The following YWHAQ variants were observed in gnomAD, a reference collection of about 807,000 sequenced individuals.
YWHAQ encodes 14-3-3 protein theta.
YWHAQ carries 6 observed loss-of-function variants against 28.3 expected under a neutral mutation model. The ratio of observed to expected loss-of-function variants is 0.21; its 90% CI spans 0.12 to 0.42. The LOEUF (loss-of-function observed/expected upper bound fraction) is 0.42. Ranked by LOEUF, YWHAQ falls within the 10% of genes least tolerant of loss-of-function variation. The pLI, the probability that YWHAQ is intolerant of heterozygous loss-of-function variation, is 1.00. For missense variants in YWHAQ, 201 were observed against 305.6 expected (o/e 0.66, Z 2.55); for synonymous variants, 143 against 119.1 (o/e 1.20, Z -1.31).
At position 9,630,047 on chromosome 2, in the gene YWHAQ, C is replaced by G. The variant is rs555195769; in HGVS notation, c.294+112G>C. The stretch of plus-strand genomic sequence containing the variant: ...TCAGGGCTCACCTAAAACCCTCCAC[C>G]CCAGCAGACAGTCCGGCAAGCCCCG... On this transcript the variant is annotated intron_variant, in intron 2 of 5. Transcript: ENST00000238081. The surrounding 1 kb of genome is among the most constrained non-coding windows in gnomAD (Gnocchi z 5.6). 9.1e-5 allele frequency: 129 copies of G among 1,424,386 alleles called. No homozygotes were observed. The African/African-American group carries it at 1.6e-3, about 18-fold the overall frequency. The allele number at this position is 1,424,386 out of a possible 1,614,324, so 88.2% of individuals were successfully genotyped here. A position where few individuals can be genotyped will look rare whatever the true frequency, so the allele number is the denominator to read the frequency against.
chr2:9,594,961 C>G (rs1006303351), intron 2 of YWHAQ, among the ~76,000 whole-genome samples: 2 of 152,224 alleles, frequency 1.3e-5, no homozygotes, highest in African/African-American at 4.8e-5. Flanking sequence ...TACAACACAG[C>G]CACTTATGAG....
chr2:9,628,786 G>A (rs1169718661), intron 2 of YWHAQ: 4 of 152,140 alleles, frequency 2.6e-5, no homozygotes, highest in Admixed American at 6.5e-5. Context: ...AGCAGGGACT[G>A]GAAGCTAAGA....
chr2:9,590,375 A>C (rs1429703867), intron 3 of YWHAQ, among the ~76,000 whole-genome samples: 1 of 152,240 alleles, frequency 6.6e-6, no homozygotes, highest in East Asian at 1.9e-4. Flanking sequence ...TTTCTCAGGT[A>C]CAAGTTCTCT....
chr2:9,601,510 C>T (rs1414676017), intron 2 of YWHAQ, among the ~76,000 whole-genome samples: 1 of 152,146 alleles, frequency 6.6e-6, no homozygotes, highest in Non-Finnish European at 1.5e-5. Context: ...AAAATTATTA[C>T]TTCAATACTT....
At chr2:9,607,114 C>A (rs557833852) in intron 2 of YWHAQ, among the ~76,000 whole-genome samples, 1 of 152,110 alleles carries the variant, frequency 6.6e-6, no homozygotes, top group Non-Finnish European at 1.5e-5. Context: ...GAACTCCTGA[C>A]CTGTGATCCG....
intron 3 of YWHAQ, 101 bp downstream of exon 3, chr2:9,591,291 T>G: frequency 1.5e-6 from 2 of 1,357,552 alleles, no homozygotes; most frequent in Non-Finnish European, 2.0e-6. Context: ...AATTATTAAG[T>G]CACAAAGAGC....
chr2:9,625,645 TC>T (rs1473158405), intron 2 of YWHAQ, among the ~76,000 whole-genome samples: 19 of 152,212 alleles, frequency 1.2e-4, no homozygotes, highest in African/African-American at 4.6e-4. Context: ...TGCCTCATTT[TC>T]CTCAACTCTG....
At chr2:9,613,462 AG>A (rs1666989988) in intron 2 of YWHAQ, among the ~76,000 whole-genome samples, 1 of 152,258 alleles carries the variant, frequency 6.6e-6, no homozygotes, top group South Asian at 2.1e-4. Flanking sequence ...TACAAGCCTA[AG>A]GGTAGGCTTA....
rs1666312441 is a variant in YWHAQ, at chr2:9,584,842, G to A, written c.*444C>T. 6.1e-6 allele frequency: 1 copy of A among 164,682 alleles called. No individual in the cohort carries two copies. Among genetic ancestry groups the A allele is most frequent in the African/African-American group, 2.4e-5 (1 of 41,558 alleles). The allele number at this position is 164,682 out of a possible 1,614,324, so 10.2% of individuals were successfully genotyped here. ...AGGAATACATTAAGAGCATGGAAAA[G>A]TTGCTTACTGAAAGGAAACCCCCGA... On this transcript the variant is annotated 3_prime_UTR_variant, in exon 6 of 6. Coordinates refer to ENST00000238081, the MANE Select transcript of YWHAQ (RefSeq NM_006826.4).
chr2:9,623,372 T>C, intron 2 of YWHAQ, among the ~76,000 whole-genome samples: 1 of 152,254 alleles, frequency 6.6e-6, no homozygotes, highest in East Asian at 1.9e-4. Flanking sequence ...ATTTGGAAAT[T>C]CCACTTCGAG....
At chr2:9,587,607 C>CT in intron 4 of YWHAQ, 98 bp from the exon 5 acceptor site, 1 of 1,022,086 alleles carries the variant, frequency 9.8e-7, no homozygotes, top group Non-Finnish European at 1.4e-6. Context: ...GAACACCCAC[C>CT]TTATGTTCTA....
chr2:9,591,280 C>CA (rs1666449887), intron 3 of YWHAQ, 112 bp downstream of exon 3: 1 of 1,279,544 alleles, frequency 7.8e-7, no homozygotes, highest in Non-Finnish European at 1.0e-6. Flanking sequence ...GACATACATT[C>CA]AATTATTAAG....
At chr2:9,596,446 GAAGA>G (rs994984101) in intron 2 of YWHAQ, among the ~76,000 whole-genome samples, 1 of 152,090 alleles carries the variant, frequency 6.6e-6, no homozygotes, top group Admixed American at 6.6e-5. Context: ...CTACTCTATT[GAAGA>G]AAGAGTAGGT....
chr2:9,589,587 TTAATAA>T (rs61426426), intron 3 of YWHAQ, among the ~76,000 whole-genome samples: 1 of 151,798 alleles, frequency 6.6e-6, no homozygotes, highest in Non-Finnish European at 1.5e-5. Context: ...CCATTCAAAA[TTAATAA>T]TAATAATAAT....
At chr2:9,593,191 TCTGA>T (rs1162364002) in intron 2 of YWHAQ, among the ~76,000 whole-genome samples, 4 of 151,670 alleles carry the variant, frequency 2.6e-5, no homozygotes, top group Non-Finnish European at 4.4e-5. Flanking sequence ...TTCTTGTTTA[TCTGA>T]CTAAAAGTGG....
rs11689741 is a variant in YWHAQ, at chr2:9,586,909, G to A, written c.678+505C>T. Reference sequence around the variant, plus strand: ...CCTTTATCAATTGCCTATCTAAGAAGCAGGGAGAAAAAGACAAACAAAACA... The same window carrying A: ...CCTTTATCAATTGCCTATCTAAGAAACAGGGAGAAAAAGACAAACAAAACA... On this transcript the variant is annotated intron_variant, in intron 5 of 5. Coordinates refer to ENST00000238081, the MANE Select transcript of YWHAQ (RefSeq NM_006826.4). Among the ~76,000 whole-genome samples, 860 of 152,202 alleles carry A rather than the reference G, an allele frequency of 5.7e-3. 5 individuals are homozygous for A. The highest frequency in any genetic ancestry group is 0.02 in the African/African-American group (818 of 41,528).
chr2:9,605,128 A>C (rs1444616832), intron 2 of YWHAQ, among the ~76,000 whole-genome samples: 1 of 141,756 alleles, frequency 7.1e-6, no homozygotes, highest in Non-Finnish European at 1.5e-5. Context: ...TAGTTTCCCC[A>C]TTCTGTTCTC....
intron 2 of YWHAQ, among the ~76,000 whole-genome samples, chr2:9,600,824 C>CA (rs796562766): frequency 3.3e-4 from 51 of 152,330 alleles, no homozygotes; most frequent in African/African-American, 1.1e-3. Flanking sequence ...AACCAGTCAG[C>CA]AACCATCAAC....
intron 2 of YWHAQ, among the ~76,000 whole-genome samples, chr2:9,628,463 C>T (rs1459366484): frequency 1.3e-5 from 2 of 152,216 alleles, no homozygotes; most frequent in East Asian, 3.8e-4. Flanking sequence ...AACGAATATT[C>T]CTTTGGCTCA....
Sources: allele counts gnomAD v4.1 joint callset (sites outside exome capture counted in the v4.1 genomes callset), GRCh38; gene constraint gnomAD v4.1.1; non-coding constraint Gnocchi (gnomAD v3.1); transcripts MANE v1.5; gene names NCBI Gene and HGNC (gene_info 2026-07-23, HGNC 2026-07-21).